SUPT3H: variants seen among roughly 807,000 people sequenced by gnomAD.
SUPT3H encodes transcription initiation protein SPT3 homolog.
SUPT3H carries 44 observed loss-of-function variants against 44.3 expected under a neutral mutation model. That is an observed-to-expected ratio of 0.99 (90% CI 0.78 to 1.28). The LOEUF (loss-of-function observed/expected upper bound fraction) is 1.28. Ranked by LOEUF, SUPT3H falls within the 50% of genes most tolerant of loss-of-function variation. SUPT3H has a pLI of 0.00. For missense variants in SUPT3H, 380 were observed against 387.1 expected (o/e 0.98, Z 0.15); for synonymous variants, 124 against 125.6 (o/e 0.99, Z 0.09).
intron 2 of SUPT3H, among the ~76,000 whole-genome samples, chr6:45,284,360 A>T (rs1412588353): frequency 6.6e-6 from 1 of 152,174 alleles, no homozygotes. Context: ...AAGACTAATA[A>T]AGAAGAAGTG....
At chr6:44,963,147 CACAA>C (rs1266333939) in intron 6 of SUPT3H, among the ~76,000 whole-genome samples, 6 of 151,258 alleles carry the variant, frequency 4.0e-5, no homozygotes, top group South Asian at 2.1e-4. Context: ...TATATATATA[CACAA>C]ACACACATAT....
At chr6:45,192,534 G>A (rs903290798) in intron 2 of SUPT3H, among the ~76,000 whole-genome samples, 2 of 152,098 alleles carry the variant, frequency 1.3e-5, no homozygotes, top group South Asian at 2.1e-4. Context: ...GCCTAACAAG[G>A]ATGAATAATT....
intron 10 of SUPT3H, among the ~76,000 whole-genome samples, chr6:44,893,465 T>C (rs1426020711): frequency 6.6e-6 from 1 of 151,560 alleles, no homozygotes; most frequent in African/African-American, 2.4e-5. Context: ...CCTACGAATA[T>C]GCGGTGTTTG....
At chr6:45,303,117 C>T (rs1208249460) in intron 2 of SUPT3H, among the ~76,000 whole-genome samples, 3 of 152,118 alleles carry the variant, frequency 2.0e-5, no homozygotes, top group Non-Finnish European at 1.5e-5. Context: ...CAAAAATCAA[C>T]TCAAGATGGA....
rs551715102 is a variant in SUPT3H, at chr6:45,221,104, T to G, written c.102-115098A>C. 4.9e-4 allele frequency among the ~76,000 whole-genome samples: 75 copies of G among 152,322 alleles called. 1 individual carries two copies. The highest frequency in any genetic ancestry group is 1.8e-3 in the African/African-American group (75 of 41,566). Reference sequence around the variant, plus strand: ...TGGATAAAGCTGGAAACTATTATTCTGAGCAAACTATCACAAGGACAGAAA... The same window carrying G: ...TGGATAAAGCTGGAAACTATTATTCGGAGCAAACTATCACAAGGACAGAAA... On this transcript the variant is annotated intron_variant, in intron 2 of 10. Coordinates refer to ENST00000371459, the MANE Select transcript of SUPT3H (RefSeq NM_003599.4).
chr6:45,345,442 TATAA>T (rs1393101673), intron 2 of SUPT3H, among the ~76,000 whole-genome samples: 3 of 152,168 alleles, frequency 2.0e-5, no homozygotes, highest in African/African-American at 7.2e-5. Context: ...CCTTTAGTAT[TATAA>T]ATAATTATGA....
At chr6:44,998,488 CT>C (rs746983232) in intron 6 of SUPT3H, among the ~76,000 whole-genome samples, 3 of 151,566 alleles carry the variant, frequency 2.0e-5, no homozygotes, top group Non-Finnish European at 4.4e-5. Flanking sequence ...CGGTTTTTGC[CT>C]TTTTAAATGG....
At chr6:45,142,824 C>A (rs532302092) in intron 2 of SUPT3H, among the ~76,000 whole-genome samples, 1 of 145,466 alleles carries the variant, frequency 6.9e-6, no homozygotes, top group South Asian at 2.2e-4. Context: ...TCAAGAGACT[C>A]ACTAACACAT....
At chr6:45,036,895 T>C (rs1463950205) in intron 3 of SUPT3H, among the ~76,000 whole-genome samples, 1 of 151,944 alleles carries the variant, frequency 6.6e-6, no homozygotes, top group East Asian at 1.9e-4. Context: ...GTCCCCAAGA[T>C]GTAAGGGTAG....
chr6:45,026,709 A>T (rs1466629657), intron 3 of SUPT3H, among the ~76,000 whole-genome samples: 2 of 152,124 alleles, frequency 1.3e-5, no homozygotes, highest in Non-Finnish European at 2.9e-5. Context: ...AAATAAGCTT[A>T]TAATACTTGT....
chr6:45,285,328 G>A (rs890302544), intron 2 of SUPT3H, among the ~76,000 whole-genome samples: 7 of 152,138 alleles, frequency 4.6e-5, no homozygotes, highest in African/African-American at 9.7e-5. Context: ...TGACATGATT[G>A]TATATCTAGA....
intron 6 of SUPT3H, among the ~76,000 whole-genome samples, chr6:44,988,689 C>T (rs1463560820): frequency 6.6e-6 from 1 of 151,624 alleles, no homozygotes; most frequent in African/African-American, 2.4e-5. Context: ...TAGGAGAGTA[C>T]CTAGAAATGC....
rs1225703252 is a variant in SUPT3H at position 45,092,497 on chromosome 6, T to G, written c.186+13425A>C. On this transcript the variant is annotated intron_variant, in intron 3 of 10. Coordinates refer to ENST00000371459, the MANE Select transcript of SUPT3H (RefSeq NM_003599.4). Reference sequence around the variant, plus strand: ...CGGGTGCGGTGGCTCACACCTGTAATCCCAGCATTTGGGAGGCTGAGGCGG... The same window carrying G: ...CGGGTGCGGTGGCTCACACCTGTAAGCCCAGCATTTGGGAGGCTGAGGCGG... 1.2e-4 allele frequency among the ~76,000 whole-genome samples: 18 copies of G among 152,256 alleles called. No individual in the cohort carries two copies. The East Asian group carries it at 3.5e-3, about 29-fold the overall frequency.
chr6:45,127,811 T>C (rs886390228), intron 2 of SUPT3H, among the ~76,000 whole-genome samples: 1 of 152,220 alleles, frequency 6.6e-6, no homozygotes, highest in African/African-American at 2.4e-5. Context: ...TCAACATTTT[T>C]CTTTCTGTTC....
chr6:45,348,534 G>A (rs995215483), intron 2 of SUPT3H, among the ~76,000 whole-genome samples: 5 of 88,480 alleles, frequency 5.7e-5, no homozygotes, highest in African/African-American at 2.3e-4. Context: ...AGTTATCCAG[G>A]TATGGTGGCG....
chr6:44,834,256 T>A (rs993984907), intron 10 of SUPT3H, among the ~76,000 whole-genome samples: 6 of 152,210 alleles, frequency 3.9e-5, no homozygotes, highest in Non-Finnish European at 8.8e-5. Context: ...GTCATGATTA[T>A]GGAGTAAATA....
intron 10 of SUPT3H, among the ~76,000 whole-genome samples, chr6:44,904,968 T>A (rs962752926): frequency 6.6e-6 from 1 of 152,234 alleles, no homozygotes; most frequent in African/African-American, 2.4e-5. Flanking sequence ...GCTGGCCATA[T>A]GTAGAAAGCT....
At chr6:44,944,430 T>C (rs1243222519) in intron 9 of SUPT3H, among the ~76,000 whole-genome samples, 3 of 151,904 alleles carry the variant, frequency 2.0e-5, no homozygotes, top group African/African-American at 7.3e-5. Flanking sequence ...CGTGACTTAA[T>C]ACATCAAATA....
chr6:45,003,668 T>C lies in SUPT3H; in HGVS notation c.489A>G (p.Lys163=), dbSNP rs775696344. 29 of 1,613,536 alleles carry C rather than the reference T, an allele frequency of 1.8e-5. No homozygotes were observed. Among genetic ancestry groups the C allele is most frequent in the Non-Finnish European group, 2.4e-5 (28 of 1,179,754 alleles). The part of the protein sequence containing the change: ...MFEDDEIDEV[K]QERMERAERQ... The stretch of plus-strand genomic sequence containing the variant: ...TGTACTATACCTCCATTCTTTCTTG[T>C]TTAACTTCATCAATTTCGTCATCTT... The change falls in exon 6 of 11, where the codon AAA becomes AAG. Residue 163 remains lysine, a synonymous_variant. Transcript: ENST00000371459.
Sources: allele counts gnomAD v4.1 joint callset (sites outside exome capture counted in the v4.1 genomes callset), GRCh38; gene constraint gnomAD v4.1.1; transcripts MANE v1.5; gene names NCBI Gene and HGNC (gene_info 2026-07-23, HGNC 2026-07-21).